The following KCNN3 variants were observed in gnomAD, a reference collection of about 807,000 sequenced individuals.
KCNN3 encodes small conductance calcium-activated potassium channel protein 3.
In KCNN3, 16 loss-of-function variants were observed where a neutral mutation model predicts 62.9. That is an observed-to-expected ratio of 0.25 (90% CI 0.17 to 0.39). The LOEUF (loss-of-function observed/expected upper bound fraction) is 0.39, where lower values mean the gene tolerates loss of function less well. Among genes scored for constraint, KCNN3 ranks in the 10% least tolerant of loss-of-function variants. The pLI is 1.00. For synonymous variants in KCNN3, 370 were observed against 389.2 expected (o/e 0.95, Z 0.58); for missense variants, 599 against 949.4 (o/e 0.63, Z 4.85).
At chr1:154,813,680 C>T (rs191663090) in intron 2 of KCNN3, among the ~76,000 whole-genome samples, 32 of 152,266 alleles carry the variant, frequency 2.1e-4, no homozygotes, top group East Asian at 3.9e-4. Context: ...TTAACATGCC[C>T]GGAGCAGGGC....
chr1:154,714,230 G>T (rs190751650), intron 6 of KCNN3, among the ~76,000 whole-genome samples: 650 of 56,876 alleles, frequency 0.011, 4 homozygotes, highest in Middle Eastern at 0.05. Flanking sequence ...GGTGTGTGTG[G>T]GGTGTGTGCG....
At chr1:154,833,865 G>A (rs928192244) in intron 1 of KCNN3, among the ~76,000 whole-genome samples, 19 of 152,168 alleles carry the variant, frequency 1.2e-4, no homozygotes, top group African/African-American at 4.3e-4. Context: ...ACCTACTCCA[G>A]GTTCTCTATC....
intron 1 of KCNN3, among the ~76,000 whole-genome samples, chr1:154,864,080 C>T (rs1395464543): frequency 6.6e-6 from 1 of 152,220 alleles, no homozygotes; most frequent in East Asian, 1.9e-4. Context: ...CCGACACACT[C>T]AGTGTGACCT....
At chr1:154,774,978 G>A (rs1648729437) in intron 2 of KCNN3, among the ~76,000 whole-genome samples, 1 of 152,254 alleles carries the variant, frequency 6.6e-6, no homozygotes, top group Non-Finnish European at 1.5e-5. Context: ...TACACCCTCA[G>A]CACAGAAAGC....
intron 2 of KCNN3, among the ~76,000 whole-genome samples, chr1:154,774,910 G>T (rs1648726648): frequency 6.6e-6 from 1 of 152,256 alleles, no homozygotes; most frequent in Non-Finnish European, 1.5e-5. Flanking sequence ...ACTAGGCTGG[G>T]TTAGGAGAAA....
chr1:154,706,532 T>C lies in KCNN3; in HGVS notation c.*1444A>G, dbSNP rs1007870682. 1.3e-5 allele frequency: 2 copies of C among 152,212 alleles called. No homozygotes were observed. Among genetic ancestry groups the C allele is most frequent in the Non-Finnish European group, 2.9e-5 (2 of 68,038 alleles). 9.4% of individuals were successfully genotyped at this position (152,212 alleles called of 1,614,324 possible). A position where few individuals can be genotyped will look rare whatever the true frequency, so the allele number is the denominator to read the frequency against. On this transcript the variant is annotated 3_prime_UTR_variant, in exon 8 of 8. Coordinates refer to ENST00000271915, the MANE Select transcript of KCNN3 (RefSeq NM_002249.6). ...CTGCGCCGCTCATTACACTAAATCT[T>C]GATGTTTCTGAAGTCTCTTGGAGTT... is the stretch of plus-strand genomic sequence containing the variant.
chr1:154,747,485 C>T (rs1487001037), intron 3 of KCNN3, among the ~76,000 whole-genome samples: 2 of 152,160 alleles, frequency 1.3e-5, no homozygotes, highest in Non-Finnish European at 2.9e-5. Flanking sequence ...GAAGGATTGA[C>T]ATTTGTGAAC....
At position 154,869,728 on chromosome 1, in the gene KCNN3, C is replaced by CTGCTGCTGCTGCTGT; in HGVS notation, c.236_237insACAGCAGCAGCAGCA (p.Gln76_Gln80dup). 7.0e-7 allele frequency: 1 copy of CTGCTGCTGCTGCTGT among 1,422,098 alleles called. No homozygotes were observed. Among genetic ancestry groups the CTGCTGCTGCTGCTGT allele is most frequent in the Non-Finnish European group, 9.5e-7 (1 of 1,054,850 alleles). 88.1% of individuals were successfully genotyped at this position (1,422,098 alleles called of 1,614,324 possible). ...GCTGAGACAGGGGATGCGGTGGCTG[C>CTGCTGCTGCTGCTGT]TGCTGCTGCTGCTGCTGCTGCTGCT... On this transcript the variant is annotated inframe_insertion, in exon 1 of 8. Coordinates refer to ENST00000271915, the MANE Select transcript of KCNN3 (RefSeq NM_002249.6). The surrounding 1 kb of genome is among the most constrained non-coding windows in gnomAD (Gnocchi z 6.1).
chr1:154,745,330 G>A (rs1195238783), intron 3 of KCNN3, among the ~76,000 whole-genome samples: 7 of 152,200 alleles, frequency 4.6e-5, no homozygotes, highest in Non-Finnish European at 8.8e-5. Context: ...GCGACTTGCC[G>A]CCAAACAACC....
intron 4 of KCNN3, among the ~76,000 whole-genome samples, chr1:154,728,080 G>A (rs868022415): frequency 5.3e-5 from 8 of 152,144 alleles, no homozygotes; most frequent in Non-Finnish European, 1.0e-4. Context: ...TGCTATTTTG[G>A]GAATGTAATC....
intron 5 of KCNN3, among the ~76,000 whole-genome samples, chr1:154,720,880 C>T (rs958298229): frequency 6.6e-6 from 1 of 152,014 alleles, no homozygotes; most frequent in Admixed American, 6.6e-5. Context: ...GGCGGGCATG[C>T]GTGAACAGCC....
chr1:154,805,784 AT>A (rs1650149177), intron 2 of KCNN3, among the ~76,000 whole-genome samples: 1 of 152,156 alleles, frequency 6.6e-6, no homozygotes, highest in South Asian at 2.1e-4. Context: ...TCATCTACAA[AT>A]AGAGGATTGT....
intron 4 of KCNN3, among the ~76,000 whole-genome samples, chr1:154,730,741 G>C (rs1700574277): frequency 6.6e-6 from 1 of 152,158 alleles, no homozygotes; most frequent in South Asian, 2.1e-4. Context: ...AAAGGCCTGG[G>C]CTGTATTTTT....
At chr1:154,856,537 C>T (rs1247987922) in intron 1 of KCNN3, among the ~76,000 whole-genome samples, 4 of 152,156 alleles carry the variant, frequency 2.6e-5, no homozygotes, top group African/African-American at 9.7e-5. Context: ...GATGACAAAA[C>T]AGAGGACCAG....
intron 2 of KCNN3, among the ~76,000 whole-genome samples, chr1:154,776,000 G>T (rs539632224): frequency 5.1e-5 from 6 of 118,002 alleles, no homozygotes; most frequent in Admixed American, 3.2e-4. Flanking sequence ...GCCTGATGAG[G>T]AGTGGGATTG....
chr1:154,709,420 T>C (rs570244434), intron 7 of KCNN3, among the ~76,000 whole-genome samples: 1 of 152,216 alleles, frequency 6.6e-6, no homozygotes, highest in African/African-American at 2.4e-5. Context: ...CCCGATCCTA[T>C]TTCACGTGAA....
intron 3 of KCNN3, among the ~76,000 whole-genome samples, chr1:154,739,624 G>C (rs953510282): frequency 6.6e-6 from 1 of 152,026 alleles, no homozygotes; most frequent in Non-Finnish European, 1.5e-5. Flanking sequence ...CTTTCCTTTT[G>C]AGTGTGGGCT....
Position 154,809,115 on chromosome 1 carries a change from G to A in KCNN3, c.1029+12974C>T, listed in dbSNP as rs12057448. 0.023 allele frequency among the ~76,000 whole-genome samples: 3,513 copies of A among 152,276 alleles called. 125 individuals are homozygous for A. The highest frequency in any genetic ancestry group is 0.08 in the African/African-American group (3,311 of 41,542). ...GTGGCTGAGCAGTGTCTCTGAGAAC[G>A]TCCAGCCACGGTGGCCATGCCTCAG... On this transcript the variant is annotated intron_variant, in intron 2 of 7. Transcript: ENST00000271915. The surrounding 1 kb of genome is among the most constrained non-coding windows in gnomAD (Gnocchi z 4.3).
At chr1:154,811,185 C>T (rs528389788) in intron 2 of KCNN3, among the ~76,000 whole-genome samples, 2 of 152,188 alleles carry the variant, frequency 1.3e-5, no homozygotes, top group South Asian at 4.1e-4. Context: ...GACGTTAGGG[C>T]GATGGGACAG....
Sources: gnomAD v4.1 joint callset for allele counts (sites outside exome capture counted in the v4.1 genomes callset) on GRCh38, gnomAD v4.1.1 for gene constraint, Gnocchi (gnomAD v3.1) non-coding constraint, MANE v1.5 for transcripts, NCBI Gene and HGNC (gene_info 2026-07-23, HGNC 2026-07-21) for gene names.